Variants in DCAF6 observed in about 807,000 individuals in gnomAD.
The protein encoded by DCAF6 is DDB1- and CUL4-associated factor 6.
In DCAF6, 54 loss-of-function variants were observed where a neutral mutation model predicts 125.1. That is an observed-to-expected ratio of 0.43 (90% CI 0.35 to 0.54). DCAF6 has a LOEUF of 0.54. DCAF6 is among the 20% of genes least tolerant of loss of function. The pLI, the probability that DCAF6 is intolerant of heterozygous loss-of-function variation, is 0.01. For synonymous variants in DCAF6, 371 were observed against 390.4 expected, an observed-to-expected ratio of 0.95 and a Z score of 0.58; for missense variants, 934 against 1,161.7, an observed-to-expected ratio of 0.80 and a Z score of 2.85.
chr1:167,935,685 G>C, upstream of DCAF6: 1 of 1,489,264 alleles, frequency 6.7e-7, no homozygotes, highest in Non-Finnish European at 9.2e-7. Context: ...CCATTTTAGA[G>C]GAAGCGAGAA....
chr1:168,024,574 G>T (rs1686087448), intron 12 of DCAF6, among the ~76,000 whole-genome samples: 1 of 152,150 alleles, frequency 6.6e-6, no homozygotes, highest in African/African-American at 2.4e-5. Flanking sequence ...TGGAGGCCAA[G>T]GCAGGCAGAT....
At chr1:168,009,305 T>C (rs1683840606) in intron 10 of DCAF6, among the ~76,000 whole-genome samples, 1 of 151,864 alleles carries the variant, frequency 6.6e-6, no homozygotes, top group Admixed American at 6.6e-5. Context: ...GCCATTTTCT[T>C]TTCTTTCTCT....
chr1:167,863,742 C>G, the DCAF6 span, among the ~76,000 whole-genome samples: 1 of 152,180 alleles, frequency 6.6e-6, no homozygotes, highest in Admixed American at 6.5e-5. Context: ...TGGGACACCT[C>G]GCCAGAGCAG....
rs375743099 is a variant in DCAF6 at position 168,043,073 on chromosome 1, T to G, written c.1776T>G (p.Ser592=). 7.4e-6 allele frequency: 12 copies of G among 1,612,954 alleles called. No homozygotes were observed. Among genetic ancestry groups the G allele is most frequent in the Middle Eastern group, 1.6e-4 (1 of 6,078 alleles). The stretch of plus-strand genomic sequence containing the variant: ...GAGGAATTGGGAGCCATTGCAAATC[T>G]GAGGGTCAGGAGGAATCTTTCGTCC... ...SSRGIGSHCK[S]EGQEESFVPQ... The change falls in exon 14 of 22, where the codon TCT becomes TCG. Residue 592 remains serine (S), a synonymous_variant. Transcript: ENST00000367840.
chr1:168,056,632 A>G (rs962075824), intron 17 of DCAF6, among the ~76,000 whole-genome samples: 2 of 152,252 alleles, frequency 1.3e-5, no homozygotes, highest in South Asian at 4.1e-4. Context: ...AATTTGGGAA[A>G]TACTACATTG....
At chr1:168,003,182 GA>G (rs1341797140) in intron 8 of DCAF6, among the ~76,000 whole-genome samples, 1 of 152,034 alleles carries the variant, frequency 6.6e-6, no homozygotes, top group African/African-American at 2.4e-5. Context: ...AAGTGTAAAA[GA>G]AACTCTGATT....
chr1:167,944,748 A>G (rs1017405099), intron 1 of DCAF6, among the ~76,000 whole-genome samples: 2 of 152,140 alleles, frequency 1.3e-5, no homozygotes, highest in African/African-American at 2.4e-5. Context: ...CTGTCATTCA[A>G]CAGGATTGGT....
At chr1:168,008,533 C>G (rs903007218) in intron 10 of DCAF6, among the ~76,000 whole-genome samples, 7 of 152,084 alleles carry the variant, frequency 4.6e-5, no homozygotes, top group African/African-American at 1.7e-4. Flanking sequence ...ACTGTTGTTC[C>G]ATTATAATGT....
Position 168,045,214 on chromosome 1 carries a change from G to T in DCAF6, c.2245G>T (p.Gly749Ter), listed in dbSNP as rs746261234. 1 of 1,601,156 alleles carries T rather than the reference G, an allele frequency of 6.2e-7. No homozygotes were observed. Among genetic ancestry groups the T allele is most frequent in the Non-Finnish European group, 8.5e-7 (1 of 1,174,652 alleles). ...GATCCCAGGTGCAAGGTATCGAGCA[G>T]GACCTGGTGATAGGTTGGTAAATTT... ...VLIPGARYRA[G>*]PGDRFNIRGT... Residue 749 changes from glycine (G) to a stop codon, truncating the protein, a stop_gained, in exon 16 of 22, where the codon GGA becomes TGA. Coordinates refer to ENST00000367840, the MANE Select transcript of DCAF6 (RefSeq NM_001198956.2). LOFTEE classifies it high-confidence loss of function.
chr1:167,877,908 G>A, the DCAF6 span, among the ~76,000 whole-genome samples: 1 of 152,174 alleles, frequency 6.6e-6, no homozygotes, highest in African/African-American at 2.4e-5. Context: ...AGGTTGGAAA[G>A]GCAGGTGGTA....
the DCAF6 span, among the ~76,000 whole-genome samples, chr1:167,916,019 T>C: frequency 6.6e-6 from 1 of 151,892 alleles, no homozygotes; most frequent in Non-Finnish European, 1.5e-5. Context: ...GTCAAAAAGC[T>C]GTGATAAAGA....
the DCAF6 span, among the ~76,000 whole-genome samples, chr1:167,928,309 C>T: frequency 6.8e-6 from 1 of 147,052 alleles, no homozygotes; most frequent in South Asian, 2.1e-4. Context: ...GATCGCACCA[C>T]TGCACTCCAG....
chr1:167,924,545 A>T, the DCAF6 span: 1 of 1,526,780 alleles, frequency 6.5e-7, no homozygotes, highest in Non-Finnish European at 8.8e-7. Flanking sequence ...GACCTGAAAA[A>T]AAAAAGAAAA....
chr1:167,906,060 A>ACCAG, the DCAF6 span, among the ~76,000 whole-genome samples: 2 of 152,194 alleles, frequency 1.3e-5, no homozygotes, highest in African/African-American at 4.8e-5. Flanking sequence ...TTTAATTCTG[A>ACCAG]CCAGCAGAGA....
chr1:168,012,317 A>T (rs1684415581), intron 10 of DCAF6, among the ~76,000 whole-genome samples: 1 of 152,154 alleles, frequency 6.6e-6, no homozygotes, highest in Non-Finnish European at 1.5e-5. Context: ...GTCTCACTGG[A>T]ATTAAGTCAT....
intron 12 of DCAF6, among the ~76,000 whole-genome samples, chr1:168,028,473 C>T (rs1246485049): frequency 6.6e-6 from 1 of 152,104 alleles, no homozygotes; most frequent in African/African-American, 2.4e-5. Context: ...TTGAAACTTA[C>T]GTCTGTAGGC....
At chr1:167,878,205 C>T in the DCAF6 span, among the ~76,000 whole-genome samples, 3 of 152,082 alleles carry the variant, frequency 2.0e-5, no homozygotes, top group African/African-American at 7.2e-5. Context: ...GTTTGTACAA[C>T]CTTTGAAGAA....
rs1048227303 is a variant in DCAF6 at position 168,063,679 on chromosome 1, A to G, written c.2359A>G (p.Met787Val). 4 of 1,604,240 alleles carry G rather than the reference A, an allele frequency of 2.5e-6. No homozygotes were observed. The South Asian group carries it at 4.5e-5, about 18-fold the overall frequency. Residue 787 changes from methionine to valine, a missense_variant, in exon 18 of 22, where the codon ATG becomes GTG. By Grantham distance (21) the Met-to-Val change is conservative. Around this residue, in one of 5 missense-constraint regions of DCAF6, gnomAD observed 559 missense variants for 635.5 expected, o/e 0.88. Coordinates refer to ENST00000367840, the MANE Select transcript of DCAF6 (RefSeq NM_001198956.2). ...CAGACGGAGAAAAGAAAGGAAAGAAATGGAAGAATTGGATACTTTGAACAT... is the reference window on the plus strand; with the variant it reads ...CAGACGGAGAAAAGAAAGGAAAGAAGTGGAAGAATTGGATACTTTGAACAT... Reference protein sequence around the residue: ...FFRRRKERKEMEELDTLNIRR... With the variant: ...FFRRRKERKEVEELDTLNIRR...
At chr1:167,994,018 ATAAT>A (rs1474030792) in intron 7 of DCAF6, among the ~76,000 whole-genome samples, 4 of 151,894 alleles carry the variant, frequency 2.6e-5, no homozygotes, top group African/African-American at 9.7e-5. Flanking sequence ...TTAGTTACTA[ATAAT>A]TTGTAATTAT....
Sources: gnomAD v4.1 joint callset for allele counts (sites outside exome capture counted in the v4.1 genomes callset) on GRCh38, gnomAD v4.1.1 for gene constraint, gnomAD v4.1.1 regional missense constraint, MANE v1.5 for transcripts, NCBI Gene and HGNC (gene_info 2026-07-23, HGNC 2026-07-21) for gene names.